HMCN1: variants seen among roughly 807,000 people sequenced by gnomAD.
The protein encoded by HMCN1 is hemicentin-1.
Under a neutral mutation model 625.9 loss-of-function variants are expected in HMCN1, and 321 were observed. That is an observed-to-expected ratio of 0.51 (90% confidence interval 0.47 to 0.56). The LOEUF is 0.56. HMCN1 is among the 20% of genes least tolerant of loss of function. The probability of loss-of-function intolerance (pLI) is 0.00; values close to 1 mark genes in which losing one functional copy is unlikely to be tolerated. For missense variants in HMCN1, 6,588 were observed against 6,887.3 expected (o/e 0.96, Z 1.54); for synonymous variants, 2,425 against 2,417.6 (o/e 1.00, Z -0.09).
At chr1:186,089,114 T>C (rs1245033603) in intron 63 of HMCN1, among the ~76,000 whole-genome samples, 1 of 152,042 alleles carries the variant, frequency 6.6e-6, no homozygotes, top group Non-Finnish European at 1.5e-5. Flanking sequence ...TAGATAAGAT[T>C]TAATTCACAA....
chr1:186,045,514 A>G (rs1656501003), intron 40 of HMCN1, among the ~76,000 whole-genome samples, 174 bp from the exon 41 acceptor site: 1 of 152,186 alleles, frequency 6.6e-6, no homozygotes, highest in Non-Finnish European at 1.5e-5. Context: ...AGAATACATT[A>G]ATTAGTGATT....
intron 1 of HMCN1, among the ~76,000 whole-genome samples, chr1:185,780,884 C>T (rs1427975796): frequency 2.6e-5 from 4 of 152,102 alleles, no homozygotes; most frequent in Non-Finnish European, 5.9e-5. Flanking sequence ...GGGAGGATTC[C>T]CTCTTTTTCT....
intron 11 of HMCN1, among the ~76,000 whole-genome samples, chr1:185,937,585 A>G (rs1057236472): frequency 6.6e-6 from 1 of 152,158 alleles, no homozygotes; most frequent in Non-Finnish European, 1.5e-5. Flanking sequence ...TAAAAGGACA[A>G]TAATAAGTGG....
rs536925372 is a variant in HMCN1 at position 185,816,867 on chromosome 1, A to T, written c.269-29159A>T. 4.1e-4 allele frequency among the ~76,000 whole-genome samples: 63 copies of T among 152,222 alleles called. 1 individual carries two copies. Among genetic ancestry groups the T allele is most frequent in the African/African-American group, 1.7e-4 (7 of 41,454 alleles). On this transcript the variant is annotated intron_variant, in intron 1 of 106. Coordinates refer to ENST00000271588, the MANE Select transcript of HMCN1 (RefSeq NM_031935.3). ...ACTGCATGGTTTGATGGCTGACCAT[A>T]GCACATTCTTGATGCTGTGGCCTGG...
At chr1:186,076,654 G>T in intron 54 of HMCN1, 32 bp downstream of exon 54, 1 of 1,591,438 alleles carries the variant, frequency 6.3e-7, no homozygotes, top group South Asian at 1.1e-5. Flanking sequence ...GTGAAAAGCT[G>T]ACTCTCTGCC....
intron 2 of HMCN1, among the ~76,000 whole-genome samples, chr1:185,854,037 A>G (rs1293768857): frequency 6.6e-6 from 1 of 152,180 alleles, no homozygotes; most frequent in African/African-American, 2.4e-5. Flanking sequence ...ATAAGTACTA[A>G]ATCTGATTTT....
At chr1:185,896,486 A>C (rs1038094168) in intron 4 of HMCN1, among the ~76,000 whole-genome samples, 1 of 152,218 alleles carries the variant, frequency 6.6e-6, no homozygotes, top group Admixed American at 6.5e-5. Flanking sequence ...AGGTAGTACA[A>C]TAATGTGTTA....
chr1:185,996,313 A>G (rs777586611), intron 24 of HMCN1, among the ~76,000 whole-genome samples: 32 of 152,128 alleles, frequency 2.1e-4, no homozygotes, highest in Non-Finnish European at 4.3e-4. Context: ...GGAGAAGGAC[A>G]TAGAATATGA....
intron 6 of HMCN1, among the ~76,000 whole-genome samples, chr1:185,916,634 T>G (rs189738529): frequency 6.6e-6 from 1 of 152,330 alleles, no homozygotes; most frequent in East Asian, 1.9e-4. Flanking sequence ...TTGGGCACAT[T>G]TACTATTTTA....
intron 1 of HMCN1, among the ~76,000 whole-genome samples, chr1:185,814,280 A>G (rs2102252650): frequency 6.6e-6 from 1 of 151,778 alleles, no homozygotes; most frequent in South Asian, 2.1e-4. Flanking sequence ...TTATTCCCTT[A>G]CCTTTCAAAT....
chr1:185,884,863 A>G (rs2102398452), intron 4 of HMCN1, among the ~76,000 whole-genome samples: 1 of 152,182 alleles, frequency 6.6e-6, no homozygotes, highest in South Asian at 2.1e-4. Context: ...AATGGCTTAA[A>G]GAATGGCATT....
At chr1:186,137,397 C>CCCG in intron 87 of HMCN1, 101 bp from the exon 88 acceptor site, 2 of 1,298,490 alleles carry the variant, frequency 1.5e-6, no homozygotes, top group Non-Finnish European at 1.1e-6. Context: ...TTCTCAGCAA[C>CCCG]TATATATTTA....
In HMCN1 at chr1:185,984,225, A is replaced by G. The variant is rs764018568; in HGVS notation, c.2847A>G (p.Arg949=). Residue 949 remains arginine (R), a synonymous_variant, in exon 19 of 107, where the codon AGA becomes AGG. Transcript: ENST00000271588. The part of the protein sequence containing the change: ...VRSDGSLHIE[R]VQLQDGGEYT... ...GTGATGGGAGCCTCCATATTGAAAG[A>G]GTTCAGCTTCAGGATGGTGGTGAAT... The G allele has an allele frequency of 2.5e-6, 4 of 1,613,378 alleles. No homozygotes were observed. The highest frequency in any genetic ancestry group is 3.4e-6 in the Non-Finnish European group (4 of 1,179,398).
intron 1 of HMCN1, among the ~76,000 whole-genome samples, chr1:185,789,903 C>A (rs955787845): frequency 2.6e-5 from 4 of 152,202 alleles, no homozygotes; most frequent in African/African-American, 9.6e-5. Flanking sequence ...GCTGAAACTG[C>A]TAACAACTAT....
chr1:185,804,982 G>GA (rs905321914), intron 1 of HMCN1, among the ~76,000 whole-genome samples: 2 of 152,116 alleles, frequency 1.3e-5, no homozygotes, highest in African/African-American at 4.8e-5. Flanking sequence ...AGTTTGGTTA[G>GA]AAAAATGGAT....
At chr1:186,093,339 C>CT in intron 65 of HMCN1, 81 bp downstream of exon 65, 1 of 1,597,532 alleles carries the variant, frequency 6.3e-7, no homozygotes, top group Non-Finnish European at 8.6e-7. Flanking sequence ...CAGCAGGTGT[C>CT]TGGAGCATTT....
intron 1 of HMCN1, among the ~76,000 whole-genome samples, chr1:185,802,307 A>G (rs1658853244): frequency 6.6e-6 from 1 of 152,188 alleles, no homozygotes; most frequent in Non-Finnish European, 1.5e-5. Context: ...GTTTTGACAC[A>G]TCAAACTACA....
At position 185,925,159 on chromosome 1, in the gene HMCN1, T is replaced by C. The variant is rs149417407; in HGVS notation, c.1398T>C (p.Asn466=). 6.8e-5 allele frequency: 109 copies of C among 1,614,044 alleles called. No homozygotes were observed. The highest frequency in any genetic ancestry group is 5.0e-4 in the Middle Eastern group (3 of 6,060). Residue 466 remains asparagine, a synonymous_variant, in exon 9 of 107, where the codon AAT becomes AAC. Coordinates refer to ENST00000271588, the MANE Select transcript of HMCN1 (RefSeq NM_031935.3). Reference sequence around the variant, plus strand: ...CCTTTACCTTGAGCTTTGTCAGAAATGGAGTTACACTTGGAGTAGACCAGT... The same window carrying C: ...CCTTTACCTTGAGCTTTGTCAGAAACGGAGTTACACTTGGAGTAGACCAGT... The part of the protein sequence containing the change: ...LLPFTLSFVR[N]GVTLGVDQYL...
At position 186,117,702 on chromosome 1, in the gene HMCN1, C is replaced by T; in HGVS notation, c.11848+79C>T. On this transcript the variant is annotated intron_variant, in intron 77 of 106. Coordinates refer to ENST00000271588, the MANE Select transcript of HMCN1 (RefSeq NM_031935.3). ...ATATTCTTACCTGGCCTTTGTTGCA[C>T]CAGAATAAAAGAATAAAATATGCAT... 4 of 1,368,340 alleles carry T rather than the reference C, an allele frequency of 2.9e-6. No individual in the cohort carries two copies. The South Asian group carries it at 3.5e-5, about 12-fold the overall frequency. The allele number at this position is 1,368,340 out of a possible 1,614,324, so 84.8% of individuals were successfully genotyped here. A position where few individuals can be genotyped will look rare whatever the true frequency, so the allele number is the denominator to read the frequency against.
Sources: gnomAD v4.1 joint callset for allele counts (sites outside exome capture counted in the v4.1 genomes callset) on GRCh38, gnomAD v4.1.1 for gene constraint, MANE v1.5 for transcripts, NCBI Gene and HGNC (gene_info 2026-07-23, HGNC 2026-07-21) for gene names.